RBFOX1: variants seen among roughly 807,000 people sequenced by gnomAD.
RBFOX1 encodes the protein RNA binding protein fox-1 homolog 1.
A neutral mutation model predicts 57.7 loss-of-function variants in RBFOX1; 8 were observed. The observed-to-expected ratio is 0.14, with a 90% CI of 0.08 to 0.25. The LOEUF is 0.25. Ranked by LOEUF, RBFOX1 falls within the 10% of genes least tolerant of loss-of-function variation. The pLI is 1.00. For synonymous variants in RBFOX1, 326 were observed against 222.4 expected (o/e 1.47, Z -4.15); for missense variants, 611 against 548.5 (o/e 1.11, Z -1.14).
At chr16:5,773,518 G>T (rs1363462392) in intron 3 of RBFOX1, among the ~76,000 whole-genome samples, 2 of 152,132 alleles carry the variant, frequency 1.3e-5, no homozygotes, top group Non-Finnish European at 2.9e-5. Context: ...TGAACGTACT[G>T]CAGTTGCTAT....
chr16:7,304,619 G>A, intron 4 of RBFOX1: 1 of 977,236 alleles, frequency 1.0e-6, no homozygotes, highest in Non-Finnish European at 1.2e-6. Flanking sequence ...TGGAAAGGGT[G>A]GATGGAAGCC....
intron 3 of RBFOX1, among the ~76,000 whole-genome samples, chr16:5,812,438 A>G (rs2151782175): frequency 6.7e-6 from 1 of 150,164 alleles, no homozygotes; most frequent in East Asian, 2.0e-4. Context: ...TACACTCACC[A>G]ACATGATCAG....
At chr16:6,533,444 A>T in intron 2 of RBFOX1, among the ~76,000 whole-genome samples, 1 of 152,080 alleles carries the variant, frequency 6.6e-6, no homozygotes, top group East Asian at 1.9e-4. Context: ...TGGCACCACC[A>T]GCATCCATAG....
chr16:6,759,374 C>T (rs1671253829), intron 3 of RBFOX1, among the ~76,000 whole-genome samples: 1 of 152,220 alleles, frequency 6.6e-6, no homozygotes, highest in African/African-American at 2.4e-5. Flanking sequence ...TGGTCTTGAA[C>T]TCCTGACCTC....
At chr16:5,925,894 G>A (rs558555157) in intron 4 of RBFOX1, among the ~76,000 whole-genome samples, 7 of 152,010 alleles carry the variant, frequency 4.6e-5, no homozygotes, top group Non-Finnish European at 8.8e-5. Context: ...ACCACAAATC[G>A]AACTTCTAAA....
At chr16:6,371,722 A>G (rs1347781939) in intron 2 of RBFOX1, among the ~76,000 whole-genome samples, 1 of 152,204 alleles carries the variant, frequency 6.6e-6, no homozygotes, top group African/African-American at 2.4e-5. Flanking sequence ...TAAATAGACA[A>G]TATAGATAGA....
intron 2 of RBFOX1, among the ~76,000 whole-genome samples, chr16:6,646,114 G>A (rs1434332654): frequency 6.6e-6 from 1 of 152,016 alleles, no homozygotes; most frequent in African/African-American, 2.4e-5. Context: ...AAGTAGTTGA[G>A]CTGTTTTCCA....
At chr16:6,369,748 T>A (rs1386750944) in intron 2 of RBFOX1, among the ~76,000 whole-genome samples, 1 of 152,204 alleles carries the variant, frequency 6.6e-6, no homozygotes, top group Non-Finnish European at 1.5e-5. Flanking sequence ...TACTCTTACC[T>A]ATCTTAGTGT....
chr16:6,655,481 T>A (rs78195619), intron 3 of RBFOX1, among the ~76,000 whole-genome samples: 3 of 144,296 alleles, frequency 2.1e-5, no homozygotes, highest in Non-Finnish European at 3.0e-5. Context: ...ATTAAGGGGG[T>A]AGGGGGCAAT....
chr16:6,935,701 A>C (rs1245702303), intron 3 of RBFOX1, among the ~76,000 whole-genome samples: 1 of 152,202 alleles, frequency 6.6e-6, no homozygotes, highest in East Asian at 1.9e-4. Context: ...AGGAGGTTTG[A>C]GAATCAGTGT....
intron 4 of RBFOX1, among the ~76,000 whole-genome samples, chr16:7,188,413 A>T (rs989360830): frequency 4.6e-5 from 7 of 152,218 alleles, no homozygotes; most frequent in African/African-American, 1.7e-4. Flanking sequence ...TTTGCATTGC[A>T]GTTAGTTTCA....
At chr16:7,635,583 G>C (rs28484583) in intron 11 of RBFOX1, among the ~76,000 whole-genome samples, 7,330 of 151,980 alleles carry the variant, frequency 0.048, 544 homozygotes, top group African/African-American at 0.16. Flanking sequence ...GGCGGGGGAC[G>C]GTGTGTTATT....
intron 4 of RBFOX1, among the ~76,000 whole-genome samples, chr16:6,012,804 G>T (rs930284816): frequency 6.6e-6 from 1 of 152,082 alleles, no homozygotes; most frequent in South Asian, 2.1e-4. Flanking sequence ...CTGTAGGGGG[G>T]TCCAGAGGTC....
intron 4 of RBFOX1, among the ~76,000 whole-genome samples, chr16:7,417,119 C>T (rs2098485597): frequency 6.6e-6 from 1 of 151,986 alleles, no homozygotes; most frequent in Non-Finnish European, 1.5e-5. Context: ...CCTGTAATCC[C>T]AGCACTTTGG....
rs1405828712 is a variant in RBFOX1, at chr16:6,000,074, A to T, written c.351+132739A>T. 2.6e-5 allele frequency among the ~76,000 whole-genome samples: 4 copies of T among 151,942 alleles called. No homozygotes were observed. The East Asian group carries it at 5.8e-4, about 22-fold the overall frequency. On this transcript the variant is annotated intron_variant, in intron 4 of 19. Transcript: ENST00000641259. ...ACTGTACCTTGCAGTGATTTGTCGG[A>T]AGAGAGAAGGGTGTGTCTGCCAAGG...
At position 7,609,925 on chromosome 16, in the gene RBFOX1, C is replaced by A. The variant is rs954805249; in HGVS notation, c.676+2587C>A. On this transcript the variant is annotated intron_variant, in intron 10 of 15. Transcript: ENST00000550418. ...CTCTGCCTCCCGGGTTCAAGTGATT[C>A]TCCTGCCTCAGCCTCCTGAGTAGCT... Among the ~76,000 whole-genome samples, 3 of 151,480 alleles carry A rather than the reference C, an allele frequency of 2.0e-5. No individual in the cohort carries two copies. In the East Asian group the frequency reaches 5.8e-4, roughly 29 times the overall value.
chr16:6,906,302 TG>T (rs1375253126), intron 3 of RBFOX1, among the ~76,000 whole-genome samples: 1 of 151,362 alleles, frequency 6.6e-6, no homozygotes, highest in Non-Finnish European at 1.5e-5. Context: ...GTCTGTTGGC[TG>T]GGGTAATAAA....
intron 5 of RBFOX1, among the ~76,000 whole-genome samples, chr16:7,568,610 G>A (rs1467062010): frequency 6.6e-6 from 1 of 152,076 alleles, no homozygotes; most frequent in Admixed American, 6.6e-5. Flanking sequence ...AACTGGCTGG[G>A]CGCGGTGGCT....
intron 3 of RBFOX1, among the ~76,000 whole-genome samples, chr16:5,686,921 G>A (rs142936588): frequency 6.6e-6 from 1 of 152,094 alleles, no homozygotes; most frequent in Non-Finnish European, 1.5e-5. Context: ...ATTTACTTCA[G>A]TTTAAGCTTC....
Sources: gnomAD v4.1 joint callset for allele counts (sites outside exome capture counted in the v4.1 genomes callset) on GRCh38, gnomAD v4.1.1 for gene constraint, MANE v1.5 for transcripts, NCBI Gene and HGNC (gene_info 2026-07-23, HGNC 2026-07-21) for gene names.